RBM38: variants seen among roughly 807,000 people sequenced by gnomAD.
RBM38 encodes RNA-binding protein 38.
In RBM38, 11 loss-of-function variants were observed where a neutral mutation model predicts 23.5. The observed-to-expected ratio is 0.47, with a 90% CI of 0.29 to 0.77. RBM38 has a LOEUF of 0.77. Ranked by LOEUF, RBM38 falls within the 30% of genes least tolerant of loss-of-function variation. The pLI, the probability that RBM38 is intolerant of heterozygous loss-of-function variation, is 0.08. For missense variants in RBM38, 330 were observed against 351.9 expected, an observed-to-expected ratio of 0.94 and a Z score of 0.50; for synonymous variants, 165 against 166.1, an observed-to-expected ratio of 0.99 and a Z score of 0.05.
Position 57,391,561 on chromosome 20 carries a change from G to T in RBM38, c.-21G>T, listed in dbSNP as rs1194529292. 3 of 1,051,426 alleles carry T rather than the reference G, an allele frequency of 2.9e-6. No individual in the cohort carries two copies. Among genetic ancestry groups the T allele is most frequent in the African/African-American group, 1.7e-5 (1 of 57,858 alleles). 65.1% of individuals were successfully genotyped at this position (1,051,426 alleles called of 1,614,324 possible). A position where few individuals can be genotyped will look rare whatever the true frequency, so the allele number is the denominator to read the frequency against. On this transcript the variant is annotated 5_prime_UTR_variant, in exon 1 of 4. Transcript: ENST00000356208. ...GCGCAGCCCCGCGCGGCCCGGGTCC[G>T]TAGGCGGCGGGGCGCCCCCCATGCT...
intron 3 of RBM38, among the ~76,000 whole-genome samples, chr20:57,400,934 C>G (rs150947001): frequency 5.1e-4 from 77 of 152,254 alleles, no homozygotes; most frequent in Middle Eastern, 3.4e-3. Flanking sequence ...ACTCCAGCAG[C>G]GGCCGTACAG....
chr20:57,395,465 T>G (rs1442543494), intron 3 of RBM38, among the ~76,000 whole-genome samples: 1 of 152,156 alleles, frequency 6.6e-6, no homozygotes, highest in African/African-American at 2.4e-5. Flanking sequence ...CGACGGTGTT[T>G]TGTAACTAAA....
chr20:57,393,089 G>A, intron 2 of RBM38, 190 bp from the exon 3 acceptor site: 1 of 659,272 alleles, frequency 1.5e-6, no homozygotes, highest in South Asian at 1.8e-5. Context: ...GCTGACACCT[G>A]CGTCACTCAC....
chr20:57,407,791 G>T lies in RBM38; in HGVS notation c.665G>T (p.Gly222Val). 1 of 1,602,364 alleles carries T rather than the reference G, an allele frequency of 6.2e-7. No homozygotes were observed. Residue 222 changes from glycine to valine, a missense_variant, in exon 4 of 4, where the codon GGC (glycine) becomes GTC (valine). Gly to Val is a moderately radical substitution (Grantham distance 109). This residue lies in a region of RBM38 where 227 missense variants were observed against 216.4 expected (regional missense o/e 1.05). Transcript: ENST00000356208. The surrounding 1 kb of genome is among the most constrained non-coding windows in gnomAD (Gnocchi z 4.0). ...PQALSAAAPA[G>V]TTFVQYQAPQ... is the part of the protein sequence containing the mutation. ...GCCCTCTCAGCCGCAGCACCCGCGGGCACCACTTTCGTGCAGTACCAGGCG... is the reference window on the plus strand; with the variant it reads ...GCCCTCTCAGCCGCAGCACCCGCGGTCACCACTTTCGTGCAGTACCAGGCG...
At chr20:57,404,678 C>T (rs2067363723) in intron 3 of RBM38, among the ~76,000 whole-genome samples, 2 of 152,260 alleles carry the variant, frequency 1.3e-5, no homozygotes, top group Admixed American at 6.5e-5. Flanking sequence ...CCCAGTGCCT[C>T]CTACAGGCCT....
intron 3 of RBM38, among the ~76,000 whole-genome samples, chr20:57,397,566 A>G (rs2067287091): frequency 2.0e-5 from 3 of 152,194 alleles, no homozygotes; most frequent in South Asian, 4.1e-4. Flanking sequence ...TGCCCTTACC[A>G]TCACGGGGCC....
In RBM38 at chr20:57,393,146, G is replaced by T. The variant is rs573929538; in HGVS notation, c.362-133G>T. ...CTTGGGGTTCACAAGGGGGAGGCCT[G>T]GGAGGGGAGAGGAAGCGGATGATCC... On this transcript the variant is annotated intron_variant, in intron 2 of 3. Transcript: ENST00000356208. 12 of 894,336 alleles carry T rather than the reference G, an allele frequency of 1.3e-5. No individual in the cohort carries two copies. The South Asian group carries it at 1.7e-4, about 13-fold the overall frequency. The allele number at this position is 894,336 out of a possible 1,614,324, so 55.4% of individuals were successfully genotyped here.
chr20:57,393,917 C>T (rs1367193599), intron 3 of RBM38, among the ~76,000 whole-genome samples: 1 of 152,084 alleles, frequency 6.6e-6, no homozygotes, highest in Non-Finnish European at 1.5e-5. Context: ...CCACTCTTCT[C>T]CATCCTAAAA....
chr20:57,391,959 C>T (rs2067220871), intron 1 of RBM38, 141 bp downstream of exon 1: 2 of 456,854 alleles, frequency 4.4e-6, no homozygotes, highest in Admixed American at 5.3e-5. Context: ...CCGCACCTGC[C>T]GCCTCTCCCG....
rs887982127 is a variant in RBM38 at position 57,393,416 on chromosome 20, TG to T, written c.416+87del. 6.1e-5 allele frequency: 86 copies of T among 1,400,828 alleles called. No individual in the cohort carries two copies. In the African/African-American group the frequency reaches 1.1e-3, roughly 17 times the overall value. The allele number at this position is 1,400,828 out of a possible 1,614,324, so 86.8% of individuals were successfully genotyped here. ...CTTGGGCTTCCTGGGTCTGGAAGGC[TG>T]GGGAAATGACAGTTTTCAGACATTT... On this transcript the variant is annotated intron_variant, in intron 3 of 3. Transcript: ENST00000356208.
At chr20:57,395,459 G>A (rs958150980) in intron 3 of RBM38, among the ~76,000 whole-genome samples, 6 of 152,172 alleles carry the variant, frequency 3.9e-5, no homozygotes, top group African/African-American at 1.2e-4. Flanking sequence ...TTCAGGCGAC[G>A]GTGTTTTGTA....
At chr20:57,394,876 C>G (rs1010439066) in intron 3 of RBM38, among the ~76,000 whole-genome samples, 6 of 152,158 alleles carry the variant, frequency 3.9e-5, no homozygotes, top group Non-Finnish European at 8.8e-5. Flanking sequence ...CTCTTTTCTG[C>G]TTACAGTGGG....
chr20:57,402,147 GT>G (rs1257961361), intron 3 of RBM38, among the ~76,000 whole-genome samples: 1 of 152,028 alleles, frequency 6.6e-6, no homozygotes, highest in African/African-American at 2.4e-5. Flanking sequence ...GGGTTTCACC[GT>G]GTTGGCCAGG....
intron 3 of RBM38, among the ~76,000 whole-genome samples, chr20:57,403,343 G>C (rs2067348454): frequency 6.6e-6 from 1 of 152,248 alleles, no homozygotes; most frequent in Admixed American, 6.5e-5. Context: ...AGGGAGAGAA[G>C]CTGCTGGAAC....
chr20:57,393,692 G>T (rs193196624), intron 3 of RBM38, among the ~76,000 whole-genome samples: 119 of 152,348 alleles, frequency 7.8e-4, no homozygotes, highest in Non-Finnish European at 1.4e-3. Context: ...TGAAGTGTTT[G>T]CTGATGACTC....
Position 57,408,902 on chromosome 20 carries a change from A to G in RBM38, c.*1056A>G, listed in dbSNP as rs1466786381. On this transcript the variant is annotated 3_prime_UTR_variant, in exon 4 of 4. Coordinates refer to ENST00000356208, the MANE Select transcript of RBM38 (RefSeq NM_017495.6). Reference sequence around the variant, plus strand: ...ATTCAGGCCACTTGGGGTCTAGACCATGGTGGTGCCAGCCTGGGGGGGGCA... The same window carrying G: ...ATTCAGGCCACTTGGGGTCTAGACCGTGGTGGTGCCAGCCTGGGGGGGGCA... 1 of 152,744 alleles carries G rather than the reference A, an allele frequency of 6.5e-6. No homozygotes were observed. The highest frequency in any genetic ancestry group is 2.4e-5 in the African/African-American group (1 of 41,382). The allele number at this position is 152,744 out of a possible 1,614,324, so 9.5% of individuals were successfully genotyped here.
intron 3 of RBM38, among the ~76,000 whole-genome samples, chr20:57,395,105 C>G (rs2067261092): frequency 6.6e-6 from 1 of 152,238 alleles, no homozygotes; most frequent in Non-Finnish European, 1.5e-5. Context: ...GCTGGGTGCT[C>G]TGGCCTCCTC....
intron 3 of RBM38, among the ~76,000 whole-genome samples, chr20:57,399,020 G>A (rs2067301846): frequency 6.6e-6 from 1 of 152,216 alleles, no homozygotes; most frequent in Non-Finnish European, 1.5e-5. Context: ...CCTGCCATGG[G>A]GGTGAGGGGA....
At chr20:57,402,642 A>C (rs932532372) in intron 3 of RBM38, among the ~76,000 whole-genome samples, 14 of 152,192 alleles carry the variant, frequency 9.2e-5, no homozygotes, top group African/African-American at 3.4e-4. Flanking sequence ...ATGGCGTGTG[A>C]GTGGGGATGC....
Sources: gnomAD v4.1 joint callset for allele counts (sites outside exome capture counted in the v4.1 genomes callset) on GRCh38, gnomAD v4.1.1 for gene constraint, gnomAD v4.1.1 regional missense constraint, Gnocchi (gnomAD v3.1) non-coding constraint, MANE v1.5 for transcripts, NCBI Gene and HGNC (gene_info 2026-07-23, HGNC 2026-07-21) for gene names.